MTFR1: variants seen among roughly 807,000 people sequenced by gnomAD.
The protein encoded by MTFR1 is mitochondrial fission regulator 1, also known as chondrocyte protein with a poly-proline region.
A neutral mutation model predicts 38.8 loss-of-function variants in MTFR1; 28 were observed. The observed-to-expected ratio is 0.72, with a 90% CI of 0.53 to 0.99. MTFR1 has a LOEUF of 0.99. Ranked by LOEUF, MTFR1 falls within the 50% of genes least tolerant of loss-of-function variation. The pLI is 0.00. For missense variants in MTFR1, 358 were observed against 395.5 expected (o/e 0.91, Z 0.81); for synonymous variants, 145 against 137.0 (o/e 1.06, Z -0.41).
rs187139656 is a variant in MTFR1, at chr8:65,680,173, G to A, written c.67-2180G>A. On this transcript the variant is annotated intron_variant, in intron 2 of 7. Coordinates refer to ENST00000262146, the MANE Select transcript of MTFR1 (RefSeq NM_014637.4). ...TTGTTGGTTTTTTTCTCAGGGGTTG[G>A]GGGGCGGGGGGACATGGTCTCACTC... Among the ~76,000 whole-genome samples the A allele has an allele frequency of 6.6e-5, 10 of 151,886 alleles. No individual in the cohort carries two copies. In the South Asian group the frequency reaches 2.1e-3, roughly 32 times the overall value.
intron 6 of MTFR1, 31 bp downstream of exon 6, chr8:65,707,287 A>G (rs1805812882): frequency 6.3e-7 from 1 of 1,594,294 alleles, no homozygotes; most frequent in Non-Finnish European, 8.6e-7. Flanking sequence ...TTTCTTCCCC[A>G]TTTGTTTGTC....
intron 4 of MTFR1, among the ~76,000 whole-genome samples, chr8:65,701,068 C>T (rs1288490633): frequency 5.3e-5 from 8 of 152,216 alleles, no homozygotes; most frequent in African/African-American, 1.9e-4. Context: ...ATGTGAACAG[C>T]TGATCAGAGA....
At chr8:65,688,696 C>G (rs1805176826) in intron 3 of MTFR1, among the ~76,000 whole-genome samples, 1 of 151,310 alleles carries the variant, frequency 6.6e-6, no homozygotes, top group Admixed American at 6.6e-5. Context: ...CGCCCGCCTT[C>G]AGGCTCCCAA....
chr8:65,704,448 T>C (rs1481488287), intron 4 of MTFR1, among the ~76,000 whole-genome samples: 1 of 151,998 alleles, frequency 6.6e-6, no homozygotes, highest in Non-Finnish European at 1.5e-5. Context: ...CTTGATGGAG[T>C]TGGTTTGTGC....
chr8:65,648,241 T>A lies in MTFR1; in HGVS notation c.-81+3457T>A, dbSNP rs377555781. Among the ~76,000 whole-genome samples, 55 of 152,242 alleles carry A rather than the reference T, an allele frequency of 3.6e-4. No individual in the cohort carries two copies. In the East Asian group the frequency reaches 6.6e-3, roughly 18 times the overall value. On this transcript the variant is annotated intron_variant, in intron 1 of 7. Transcript: ENST00000262146. Reference sequence around the variant, plus strand: ...ACTGTGTTAGCCAGTATGGTCTCGATCTCCTGACCTCGTGATTCGCCCACC... The same window carrying A: ...ACTGTGTTAGCCAGTATGGTCTCGAACTCCTGACCTCGTGATTCGCCCACC...
intron 4 of MTFR1, among the ~76,000 whole-genome samples, chr8:65,694,729 T>G (rs1585787787): frequency 1.3e-5 from 2 of 152,320 alleles, no homozygotes; most frequent in Admixed American, 1.3e-4. Flanking sequence ...ACAAAGTAAT[T>G]ACAGATGGTC....
At chr8:65,762,586 GA>G (rs1439222731) in intron 3 of MTFR1, among the ~76,000 whole-genome samples, 5 of 152,046 alleles carry the variant, frequency 3.3e-5, no homozygotes, top group African/African-American at 1.2e-4. Flanking sequence ...GGCCCCACAA[GA>G]CTGTTAAAGA....
At chr8:65,774,950 T>C (rs960071173), downstream of MTFR1, among the ~76,000 whole-genome samples, 1 of 152,200 alleles carries the variant, frequency 6.6e-6, no homozygotes, top group Admixed American at 6.5e-5. Context: ...AGTATTACGA[T>C]GAAAATAGTT....
chr8:65,693,012 C>T (rs1032641332), intron 3 of MTFR1, among the ~76,000 whole-genome samples: 5 of 151,590 alleles, frequency 3.3e-5, no homozygotes, highest in South Asian at 2.1e-4. Context: ...TTATACCCCC[C>T]GCCTACACAT....
chr8:65,751,698 G>T (rs1225416677), intron 3 of MTFR1, among the ~76,000 whole-genome samples: 1 of 152,196 alleles, frequency 6.6e-6, no homozygotes, highest in Non-Finnish European at 1.5e-5. Context: ...CTCCATGTTG[G>T]TCAGGCTGGT....
intron 3 of MTFR1, among the ~76,000 whole-genome samples, chr8:65,746,515 C>G (rs941471427): frequency 3.9e-5 from 6 of 152,066 alleles, no homozygotes; most frequent in African/African-American, 7.2e-5. Context: ...TTCAGCCAAG[C>G]AAATAAATCC....
chr8:65,749,608 A>G (rs1359906054), intron 3 of MTFR1, among the ~76,000 whole-genome samples: 1 of 152,236 alleles, frequency 6.6e-6, no homozygotes, highest in East Asian at 1.9e-4. Flanking sequence ...TATGAAAGCA[A>G]TGTTCCAAGT....
At chr8:65,715,304 G>A (rs549275878), downstream of MTFR1, among the ~76,000 whole-genome samples, 9 of 152,056 alleles carry the variant, frequency 5.9e-5, no homozygotes, top group South Asian at 2.1e-4. Context: ...GAGAGGCCAC[G>A]GTGGCAGGAC....
chr8:65,722,983 A>C (rs1331783388), intron 3 of MTFR1: 1 of 152,382 alleles, frequency 6.6e-6, no homozygotes. Flanking sequence ...GGAAACACAG[A>C]AGCGTCCCGA....
At chr8:65,713,829 G>A (rs527355334), downstream of MTFR1, among the ~76,000 whole-genome samples, 8 of 152,000 alleles carry the variant, frequency 5.3e-5, no homozygotes, top group East Asian at 7.8e-4. Flanking sequence ...GATTACAGGC[G>A]CACACCACTA....
chr8:65,653,366 G>C (rs936506756), intron 1 of MTFR1, among the ~76,000 whole-genome samples: 7 of 152,036 alleles, frequency 4.6e-5, no homozygotes, highest in African/African-American at 1.7e-4. Flanking sequence ...ACAAAAATTA[G>C]CTGGGCGTGG....
intron 3 of MTFR1, chr8:65,719,585 C>A: frequency 1.2e-6 from 1 of 809,830 alleles, no homozygotes; most frequent in South Asian, 1.6e-5. Flanking sequence ...TTCCTACATC[C>A]TACTCCAGTA....
downstream of MTFR1, among the ~76,000 whole-genome samples, chr8:65,772,071 A>C (rs1310653992): frequency 6.6e-6 from 1 of 152,094 alleles, no homozygotes; most frequent in Non-Finnish European, 1.5e-5. Context: ...GCATACAAAA[A>C]CCCAAAGGAT....
intron 3 of MTFR1, among the ~76,000 whole-genome samples, chr8:65,745,849 CTGAG>C (rs1179673322): frequency 6.6e-6 from 1 of 152,212 alleles, no homozygotes; most frequent in Non-Finnish European, 1.5e-5. Context: ...AGTGACACTA[CTGAG>C]TATTTACTGT....
Sources: allele counts gnomAD v4.1 joint callset (sites outside exome capture counted in the v4.1 genomes callset), GRCh38; gene constraint gnomAD v4.1.1; transcripts MANE v1.5; gene names NCBI Gene and HGNC (gene_info 2026-07-23, HGNC 2026-07-21).